The following DMD variants were observed in gnomAD, a reference collection of about 807,000 sequenced individuals.
DMD encodes dystrophin.
In DMD, 63 loss-of-function variants were observed where a neutral mutation model predicts 330.1. The observed-to-expected ratio is 0.19, with a 90% CI of 0.16 to 0.24. DMD has a LOEUF of 0.24. Among genes scored for constraint, DMD ranks in the 10% least tolerant of loss-of-function variants. DMD has a pLI of 1.00. For synonymous variants in DMD, 1,223 were observed against 959.8 expected (o/e 1.27, Z -5.07); for missense variants, 3,344 against 2,684.1 (o/e 1.25, Z -5.43).
At chrX:31,499,701 C>T (rs924392348) in intron 56 of DMD, among the ~76,000 whole-genome samples, 4 of 111,134 alleles carry the variant, frequency 3.6e-5, no homozygotes, top group Non-Finnish European at 5.7e-5. Flanking sequence ...CCATGCTGGC[C>T]AGGCTGGTCT....
At chrX:32,342,340 T>C in intron 40 of DMD, 58 bp from the exon 41 acceptor site, 1 of 1,139,312 alleles carries the variant, frequency 8.8e-7, no homozygotes, top group Non-Finnish European at 1.2e-6. Context: ...TCAACCGACT[T>C]GCAAGCAGCA....
chrX:31,932,289 A>T, intron 45 of DMD, 62 bp from the exon 46 acceptor site: 2 of 896,053 alleles, frequency 2.2e-6, no homozygotes, highest in Non-Finnish European at 3.2e-6. Flanking sequence ...ACTATTTGTT[A>T]ATGCAAACTG....
intron 1 of DMD, among the ~76,000 whole-genome samples, chrX:33,142,380 C>T (rs780390624): frequency 2.7e-5 from 3 of 113,046 alleles, no homozygotes; most frequent in African/African-American, 6.4e-5. Flanking sequence ...CCGCTGTGCC[C>T]GGCGAGGCTT....
chrX:31,439,533 G>A lies in DMD; in HGVS notation c.9084+4948C>T, dbSNP rs199501542. ...AAAAACATACATAATTTATGATACT[G>A]TTCTTTGACATATGTAAAGAATCTA... On this transcript the variant is annotated intron_variant, in intron 60 of 78. Transcript: ENST00000357033. 4.5e-5 allele frequency among the ~76,000 whole-genome samples: 5 copies of A among 111,969 alleles called. No homozygotes were observed. In the East Asian group the frequency reaches 1.4e-3, roughly 31 times the overall value.
intron 1 of DMD, among the ~76,000 whole-genome samples, chrX:33,027,572 A>G (rs922059927): frequency 2.7e-5 from 3 of 112,714 alleles, no homozygotes; most frequent in Non-Finnish European, 5.6e-5. Context: ...ACAAATGTGT[A>G]CTGACACCTA....
intron 43 of DMD, among the ~76,000 whole-genome samples, chrX:32,224,910 A>G (rs2097142582): frequency 9.0e-6 from 1 of 111,388 alleles, no homozygotes; most frequent in African/African-American, 3.3e-5. Flanking sequence ...CTTATTTCTC[A>G]TAACTTCACT....
At chrX:32,252,689 T>TATATATAAATATATAA (rs2097271391) in intron 43 of DMD, among the ~76,000 whole-genome samples, 1 of 38,786 alleles carries the variant, frequency 2.6e-5, no homozygotes, top group Non-Finnish European at 4.3e-5. Context: ...TATATAAATA[T>TATATATAAATATATAA]ATATATAAAT....
chrX:31,556,685 C>A (rs1311633083), intron 55 of DMD, among the ~76,000 whole-genome samples: 1 of 110,936 alleles, frequency 9.0e-6, no homozygotes, highest in Admixed American at 9.6e-5. Context: ...TTCACACGTT[C>A]GTTCCAAAAA....
intron 60 of DMD, among the ~76,000 whole-genome samples, chrX:31,433,443 C>CT (rs2064230778): frequency 1.9e-5 from 2 of 106,202 alleles, no homozygotes; most frequent in African/African-American, 3.5e-5. Context: ...AATGGTAGTT[C>CT]TTTTTTTTCT....
intron 47 of DMD, among the ~76,000 whole-genome samples, chrX:31,916,036 A>T (rs1190803685): frequency 8.9e-6 from 1 of 112,162 alleles, no homozygotes; most frequent in Non-Finnish European, 1.9e-5. Context: ...TCCAAGCTTA[A>T]GCTTCAAGAA....
intron 2 of DMD, among the ~76,000 whole-genome samples, chrX:33,010,304 A>G (rs965453169): frequency 3.7e-5 from 4 of 107,989 alleles, no homozygotes; most frequent in East Asian, 3.0e-4. Flanking sequence ...ATATGTATAT[A>G]TGTACATATA....
chrX:32,348,280 A>T (rs1373483906), intron 38 of DMD, 126 bp downstream of exon 38: 7 of 706,816 alleles, frequency 9.9e-6, no homozygotes, highest in Non-Finnish European at 1.5e-5. Flanking sequence ...TGCATTTATA[A>T]AATTCATTAG....
At chrX:32,863,114 AT>A (rs1569536084) in intron 2 of DMD, among the ~76,000 whole-genome samples, 1 of 111,423 alleles carries the variant, frequency 9.0e-6, no homozygotes, top group Non-Finnish European at 1.9e-5. Flanking sequence ...ATGAAGGCTA[AT>A]TACAATCTAT....
intron 16 of DMD, among the ~76,000 whole-genome samples, chrX:32,564,442 C>T (rs1035670931): frequency 1.8e-5 from 2 of 111,623 alleles, no homozygotes; most frequent in African/African-American, 6.5e-5. Context: ...TGACTAATGT[C>T]TCATGTATTT....
At chrX:32,857,750 A>G (rs748774113) in intron 2 of DMD, among the ~76,000 whole-genome samples, 1 of 111,644 alleles carries the variant, frequency 9.0e-6, no homozygotes, top group South Asian at 3.8e-4. Context: ...AGAATAAAAC[A>G]TGAATCCCAA....
intron 3 of DMD, among the ~76,000 whole-genome samples, chrX:32,847,056 T>A (rs1057203528): frequency 9.0e-6 from 1 of 111,537 alleles, no homozygotes; most frequent in South Asian, 3.7e-4. Context: ...AATCTTCTTG[T>A]GTATATATAG....
intron 1 of DMD, among the ~76,000 whole-genome samples, chrX:33,227,582 A>G (rs1310995148): frequency 9.0e-6 from 1 of 111,139 alleles, no homozygotes. Flanking sequence ...ACTTCTATGA[A>G]ATAAAGGGGC....
At chrX:32,781,860 C>G (rs968978539) in intron 7 of DMD, among the ~76,000 whole-genome samples, 4 of 111,057 alleles carry the variant, frequency 3.6e-5, no homozygotes, top group Admixed American at 9.7e-5. Context: ...TTTGAGTCAC[C>G]TTTAAGAGAC....
intron 2 of DMD, among the ~76,000 whole-genome samples, chrX:32,935,733 GA>G (rs920269989): frequency 1.9e-4 from 20 of 106,339 alleles, no homozygotes; most frequent in Admixed American, 5.0e-4. Context: ...AAAATGCAAG[GA>G]AAAAAAAACA....
Sources: allele counts gnomAD v4.1 joint callset (sites outside exome capture counted in the v4.1 genomes callset), GRCh38; gene constraint gnomAD v4.1.1; transcripts MANE v1.5; gene names NCBI Gene and HGNC (gene_info 2026-07-23, HGNC 2026-07-21).